Variants in VAV2 observed in about 807,000 individuals in gnomAD.
VAV2 encodes the protein vav guanine nucleotide exchange factor 2.
VAV2 carries 67 observed loss-of-function variants against 132.5 expected under a neutral mutation model. The ratio of observed to expected loss-of-function variants is 0.51; its 90% CI spans 0.42 to 0.62. The LOEUF is 0.62. Ranked by LOEUF, VAV2 falls within the 20% of genes least tolerant of loss-of-function variation. The pLI is 0.00. For synonymous variants in VAV2, 492 were observed against 443.5 expected (o/e 1.11, Z -1.37); for missense variants, 938 against 1,153.6 (o/e 0.81, Z 2.71).
Position 133,763,415 on chromosome 9 carries a change from G to A in VAV2, c.*647C>T, listed in dbSNP as rs1164435992. On this transcript the variant is annotated 3_prime_UTR_variant, in exon 30 of 30. Transcript: ENST00000371850. The surrounding 1 kb of genome is among the most constrained non-coding windows in gnomAD (Gnocchi z 6.8). ...GAGGGGCCTGCCGTGTGGGGTCCGG[G>A]TGTGCCCCTGGCAAGGAGGGGAGTG... 6.6e-6 allele frequency: 1 copy of A among 152,564 alleles called. No homozygotes were observed. Among genetic ancestry groups the A allele is most frequent in the Non-Finnish European group, 1.5e-5 (1 of 68,254 alleles). 9.5% of individuals were successfully genotyped at this position (152,564 alleles called of 1,614,324 possible).
At chr9:133,787,505 C>T (rs1052691150) in intron 15 of VAV2, among the ~76,000 whole-genome samples, 9 of 152,154 alleles carry the variant, frequency 5.9e-5, no homozygotes, top group Non-Finnish European at 4.4e-5. Flanking sequence ...GGGAGGGTCA[C>T]CCTCAACAGC....
chr9:133,789,154 C>T, intron 14 of VAV2, 104 bp downstream of exon 14: 1 of 1,259,070 alleles, frequency 7.9e-7, no homozygotes, highest in Non-Finnish European at 1.1e-6. Context: ...CAGCTCTTTC[C>T]ACAGGAAGGC....
In VAV2 at chr9:133,926,990, C is replaced by T. The variant is rs574827651; in HGVS notation, c.321+12113G>A. 5.9e-5 allele frequency among the ~76,000 whole-genome samples: 9 copies of T among 152,296 alleles called. No individual in the cohort carries two copies. The highest frequency in any genetic ancestry group is 5.8e-4 in the East Asian group (3 of 5,170). On this transcript the variant is annotated intron_variant, in intron 2 of 29. Coordinates refer to ENST00000371850, the MANE Select transcript of VAV2 (RefSeq NM_001134398.2). This position sits in a 1 kb window ranked among gnomAD's most constrained non-coding sequence, Gnocchi z 4.3. ...AAAATCAATGCAATTCTGCAAACAC[C>T]GGGCAGCCTGTCACAGACACCCGCA...
chr9:133,831,387 G>C (rs752031234), intron 4 of VAV2, among the ~76,000 whole-genome samples: 12 of 151,796 alleles, frequency 7.9e-5, no homozygotes, highest in Non-Finnish European at 1.5e-4. Context: ...AGTGAGCTGA[G>C]ATCGCGCCAC....
chr9:133,824,603 G>A lies in VAV2; in HGVS notation c.449+9669C>T, dbSNP rs564873899. Among the ~76,000 whole-genome samples the A allele has an allele frequency of 3.7e-4, 57 of 152,270 alleles. No individual in the cohort carries two copies. The highest frequency in any genetic ancestry group is 6.8e-4 in the Non-Finnish European group (46 of 68,004). On this transcript the variant is annotated intron_variant, in intron 4 of 29. Transcript: ENST00000371850. This position sits in a 1 kb window ranked among gnomAD's most constrained non-coding sequence, Gnocchi z 5.2. Reference sequence around the variant, plus strand: ...CTGCCCTCCTGGCTTGTCAGGGTCTGCCCCCAGAGGCTGCTGCCTGGACAG... The same window carrying A: ...CTGCCCTCCTGGCTTGTCAGGGTCTACCCCCAGAGGCTGCTGCCTGGACAG...
In VAV2 at chr9:133,823,308, T is replaced by C. The variant is rs544995343; in HGVS notation, c.449+10964A>G. On this transcript the variant is annotated intron_variant, in intron 4 of 29. Coordinates refer to ENST00000371850, the MANE Select transcript of VAV2 (RefSeq NM_001134398.2). The surrounding 1 kb of genome is among the most constrained non-coding windows in gnomAD (Gnocchi z 5.5). ...TGTCCTGCTGTCCTTTCTAAGCATC[T>C]GGTGAAGGTGAACTTCAATTCAGCC... 5.3e-5 allele frequency among the ~76,000 whole-genome samples: 8 copies of C among 152,366 alleles called. No homozygotes were observed. In the South Asian group the frequency reaches 1.7e-3, roughly 32 times the overall value.
chr9:133,787,012 G>C (rs775655416), intron 16 of VAV2, among the ~76,000 whole-genome samples: 1 of 152,170 alleles, frequency 6.6e-6, no homozygotes, highest in Non-Finnish European at 1.5e-5. Context: ...CTCTGACCCC[G>C]AGCTCCAGGG....
rs1554770506 is a variant in VAV2, at chr9:133,778,803, G to A, written c.1849C>T (p.Leu617Phe). Residue 617 changes from leucine to phenylalanine, a missense_variant, in exon 22 of 30, where the codon CTT becomes TTT. Physicochemically the swap from Leu to Phe is conservative, Grantham distance 22. Transcript: ENST00000371850. ...PVLTFQTGDV[L>F]ELLRGDPESP... Reference sequence around the variant, plus strand: ...TCAGGGTCGCCCCTCAGCAGCTCAAGCACGTCGCCCGTCTGGAAGGTCAGC... The same window carrying A: ...TCAGGGTCGCCCCTCAGCAGCTCAAACACGTCGCCCGTCTGGAAGGTCAGC... 1 of 1,613,040 alleles carries A rather than the reference G, an allele frequency of 6.2e-7. No individual in the cohort carries two copies. Among genetic ancestry groups the A allele is most frequent in the Non-Finnish European group, 8.5e-7 (1 of 1,180,012 alleles).
chr9:133,822,436 C>T (rs368699311), intron 4 of VAV2, among the ~76,000 whole-genome samples: 18 of 152,204 alleles, frequency 1.2e-4, no homozygotes, highest in South Asian at 4.1e-4. Context: ...CTGAAGAAGC[C>T]GGCTGGGAAC....
rs2132071745 is a variant in VAV2 at position 133,919,389 on chromosome 9, C to T, written c.321+19714G>A. Among the ~76,000 whole-genome samples, 1 of 152,340 alleles carries T rather than the reference C, an allele frequency of 6.6e-6. No homozygotes were observed. The highest frequency in any genetic ancestry group is 1.9e-4 in the East Asian group (1 of 5,176). ...GGGCTTTGAAACCAGATCCTGGGAGCTGCAGACCATAATCTCTGCTTCACT... is the reference window on the plus strand; with the variant it reads ...GGGCTTTGAAACCAGATCCTGGGAGTTGCAGACCATAATCTCTGCTTCACT... On this transcript the variant is annotated intron_variant, in intron 2 of 29. Transcript: ENST00000371850. This position sits in a 1 kb window ranked among gnomAD's most constrained non-coding sequence, Gnocchi z 5.8.
intron 3 of VAV2, among the ~76,000 whole-genome samples, chr9:133,848,452 G>A (rs1837036401): frequency 6.6e-6 from 1 of 152,122 alleles, no homozygotes; most frequent in African/African-American, 2.4e-5. Context: ...CAAGTTTCTT[G>A]TTCTTGGGTT....
chr9:133,819,779 T>C (rs7037626), intron 4 of VAV2, among the ~76,000 whole-genome samples: 30,133 of 152,102 alleles, frequency 0.2, 3,609 homozygotes, highest in African/African-American at 0.33. Flanking sequence ...CTGGGAGAGA[T>C]GGGTTCCTCT....
At chr9:133,853,965 G>C (rs578255240) in intron 3 of VAV2, among the ~76,000 whole-genome samples, 1 of 152,096 alleles carries the variant, frequency 6.6e-6, no homozygotes, top group African/African-American at 2.4e-5. Flanking sequence ...CAGGCCTGCC[G>C]GGAGCTCCCA....
Position 133,947,780 on chromosome 9 carries a change from G to A in VAV2, c.205-8561C>T, listed in dbSNP as rs184986402. ...TTCCCAGGCCATCACCAGGGCCCCCGCGCTATGGCCTTTGTGAGTGTGTGT... is the reference window on the plus strand; with the variant it reads ...TTCCCAGGCCATCACCAGGGCCCCCACGCTATGGCCTTTGTGAGTGTGTGT... On this transcript the variant is annotated intron_variant, in intron 1 of 29. Coordinates refer to ENST00000371850, the MANE Select transcript of VAV2 (RefSeq NM_001134398.2). 7.0e-4 allele frequency among the ~76,000 whole-genome samples: 106 copies of A among 151,492 alleles called. No individual in the cohort carries two copies. The East Asian group carries it at 0.018, about 26-fold the overall frequency.
intron 2 of VAV2, among the ~76,000 whole-genome samples, chr9:133,890,753 G>A (rs1034210892): frequency 3.3e-5 from 5 of 152,168 alleles, no homozygotes; most frequent in African/African-American, 7.2e-5. Flanking sequence ...GAACACGGAC[G>A]AGATGGCAGG....
intron 3 of VAV2, among the ~76,000 whole-genome samples, chr9:133,835,043 C>T (rs531769143): frequency 2.6e-5 from 4 of 151,964 alleles, no homozygotes; most frequent in South Asian, 4.2e-4. Context: ...CTGCAGTTCA[C>T]GATGGTATAG....
chr9:133,787,348 C>A, intron 15 of VAV2, 88 bp from the exon 16 acceptor site: 1 of 1,377,648 alleles, frequency 7.3e-7, no homozygotes, highest in Non-Finnish European at 9.5e-7. Flanking sequence ...TGTGGAGGCG[C>A]CAGGAGCCCT....
In VAV2 at chr9:133,928,482, G is replaced by A. The variant is rs962929066; in HGVS notation, c.321+10621C>T. Among the ~76,000 whole-genome samples the A allele has an allele frequency of 2.6e-5, 4 of 152,302 alleles. No homozygotes were observed. Among genetic ancestry groups the A allele is most frequent in the Admixed American group, 1.3e-4 (2 of 15,284 alleles). On this transcript the variant is annotated intron_variant, in intron 2 of 29. Transcript: ENST00000371850. The surrounding 1 kb of genome is among the most constrained non-coding windows in gnomAD (Gnocchi z 5.4). ...TGGATGCTGCTACAAAGACTAGCAC[G>A]TCTCACTGCCAGCATTAAGGCAGGG...
intron 1 of VAV2, among the ~76,000 whole-genome samples, chr9:133,940,669 G>A (rs558176399): frequency 1.5e-4 from 11 of 72,136 alleles, no homozygotes; most frequent in East Asian, 4.8e-4. Context: ...CTCTGTCCAC[G>A]TGCGTGTGTG....
Sources: allele counts gnomAD v4.1 joint callset (sites outside exome capture counted in the v4.1 genomes callset), GRCh38; gene constraint gnomAD v4.1.1; non-coding constraint Gnocchi (gnomAD v3.1); transcripts MANE v1.5; gene names NCBI Gene and HGNC (gene_info 2026-07-23, HGNC 2026-07-21).